RELCH: variants seen among roughly 807,000 people sequenced by gnomAD.
RELCH encodes the protein RAB11 binding and LisH domain, coiled-coil and HEAT repeat containing, also known as RAB11-binding protein RELCH.
Under a neutral mutation model 150.3 loss-of-function variants are expected in RELCH, and 41 were observed. The ratio of observed to expected loss-of-function variants is 0.27; its 90% CI spans 0.21 to 0.35. The LOEUF is 0.35. RELCH is among the 10% of genes least tolerant of loss of function. The pLI is 1.00. For missense variants in RELCH, 1,092 were observed against 1,467.8 expected (o/e 0.74, Z 4.18); for synonymous variants, 478 against 531.8 (o/e 0.90, Z 1.39).
intron 10 of RELCH, among the ~76,000 whole-genome samples, chr18:62,239,210 G>T (rs767611518): frequency 1.8e-4 from 27 of 151,936 alleles, no homozygotes; most frequent in Non-Finnish European, 3.4e-4. Flanking sequence ...AGGTTATTTA[G>T]GTACTTTAGG....
intron 27 of RELCH, among the ~76,000 whole-genome samples, chr18:62,297,552 G>A (rs2045470880): frequency 6.6e-6 from 1 of 152,168 alleles, no homozygotes; most frequent in African/African-American, 2.4e-5. Flanking sequence ...TATAACCTGT[G>A]AGACAAGAGA....
rs138048812 is a variant in RELCH at position 62,228,905 on chromosome 18, T to C, written c.1448+307T>C. Among the ~76,000 whole-genome samples, 17 of 152,262 alleles carry C rather than the reference T, an allele frequency of 1.1e-4. No homozygotes were observed. In the East Asian group the frequency reaches 3.3e-3, roughly 29 times the overall value. ...CTGTAAACACTTACCCAGTGCTTTT[T>C]TCTCTATCCTTTAGTCGTTATCAGA... On this transcript the variant is annotated intron_variant, in intron 8 of 28. Transcript: ENST00000644646.
At chr18:62,227,906 A>G (rs2041317549) in intron 7 of RELCH, among the ~76,000 whole-genome samples, 1 of 152,152 alleles carries the variant, frequency 6.6e-6, no homozygotes, top group African/African-American at 2.4e-5. Flanking sequence ...TGATCTTACA[A>G]TCAATTATGT....
chr18:62,231,315 T>C, intron 9 of RELCH, 46 bp downstream of exon 9: 1 of 1,210,780 alleles, frequency 8.3e-7, no homozygotes. Flanking sequence ...AACATTCTAC[T>C]GTTTTTCTTC....
intron 25 of RELCH, among the ~76,000 whole-genome samples, chr18:62,282,991 A>C (rs777472628): frequency 6.6e-6 from 1 of 152,166 alleles, no homozygotes; most frequent in Non-Finnish European, 1.5e-5. Context: ...AAGTATACAG[A>C]TGGTCTTATA....
intron 1 of RELCH, among the ~76,000 whole-genome samples, chr18:62,199,247 T>C (rs1230610907): frequency 2.7e-5 from 4 of 148,630 alleles, no homozygotes; most frequent in African/African-American, 1.0e-4. Flanking sequence ...AAATCTTCTG[T>C]ACTTGAGGGG....
At chr18:62,227,190 G>T (rs1410197733) in intron 5 of RELCH, 99 bp from the exon 6 acceptor site, 13 of 789,642 alleles carry the variant, frequency 1.6e-5, no homozygotes, top group South Asian at 5.7e-5. Context: ...CAGCAAAACC[G>T]ATCTTAAAAA....
At position 62,187,709 on chromosome 18, in the gene RELCH, G is replaced by C; in HGVS notation, c.204G>C (p.Arg68=). ...CCGTGGCCTTAGGAAGCAGTGCGCG[G>C]CCAGGGCTCCCTGGGGAGGCGTCGG... ...QDPVALGSSA[R]PGLPGEASAA... Residue 68 remains arginine (R), a synonymous_variant, in exon 1 of 29, where the codon CGG becomes CGC. Transcript: ENST00000644646. 6.2e-7 allele frequency: 1 copy of C among 1,601,620 alleles called. No individual in the cohort carries two copies. Among genetic ancestry groups the C allele is most frequent in the East Asian group, 2.2e-5 (1 of 44,662 alleles).
chr18:62,191,161 CTT>C (rs2038606627), intron 1 of RELCH, among the ~76,000 whole-genome samples: 1 of 152,148 alleles, frequency 6.6e-6, no homozygotes, highest in South Asian at 2.1e-4. Context: ...CCATTTACGT[CTT>C]TATGAGAAAC....
intron 10 of RELCH, among the ~76,000 whole-genome samples, chr18:62,241,144 CT>C (rs1304426873): frequency 6.6e-6 from 1 of 152,158 alleles, no homozygotes; most frequent in Non-Finnish European, 1.5e-5. Context: ...ACCAGCAACT[CT>C]TTGTCTCCTT....
chr18:62,292,274 G>A (rs549162145), intron 27 of RELCH, among the ~76,000 whole-genome samples: 1 of 152,184 alleles, frequency 6.6e-6, no homozygotes, highest in African/African-American at 2.4e-5. Context: ...TCATGACCAA[G>A]CTGCCACCCT....
intron 8 of RELCH, among the ~76,000 whole-genome samples, chr18:62,229,518 G>GTGTGTGTGTGTCTGTCTGTC (rs539055675): frequency 3.4e-5 from 5 of 147,746 alleles, no homozygotes; most frequent in South Asian, 2.2e-4. Context: ...GTGTGTGTGT[G>GTGTGTGTGTGTCTGTCTGTC]TGTCTGTCTG....
chr18:62,229,386 T>G (rs758911403), intron 8 of RELCH, among the ~76,000 whole-genome samples: 1 of 152,048 alleles, frequency 6.6e-6, no homozygotes, highest in Non-Finnish European at 1.5e-5. Flanking sequence ...ACTAATTTGC[T>G]TCAGACTTAT....
At chr18:62,266,060 AAG>A (rs1391516877) in intron 18 of RELCH, among the ~76,000 whole-genome samples, 8 of 151,922 alleles carry the variant, frequency 5.3e-5, no homozygotes. Context: ...TTAGAAAAGC[AAG>A]TAGGAATCTA....
At chr18:62,198,475 A>C (rs938381448) in intron 1 of RELCH, among the ~76,000 whole-genome samples, 2 of 152,184 alleles carry the variant, frequency 1.3e-5, no homozygotes, top group Non-Finnish European at 2.9e-5. Context: ...CGTCAGAAAT[A>C]GTGTTCATTT....
intron 5 of RELCH, among the ~76,000 whole-genome samples, chr18:62,224,210 C>T (rs2041067562): frequency 6.6e-6 from 1 of 152,078 alleles, no homozygotes; most frequent in African/African-American, 2.4e-5. Context: ...TGAATGAGAA[C>T]ATGCAGTGCT....
intron 1 of RELCH, among the ~76,000 whole-genome samples, chr18:62,208,851 A>G (rs1438769941): frequency 6.6e-6 from 1 of 152,152 alleles, no homozygotes; most frequent in Non-Finnish European, 1.5e-5. Context: ...TTATGGCTGC[A>G]TAGTAGAAAT....
chr18:62,244,806 G>A lies in RELCH; in HGVS notation c.1663G>A (p.Glu555Lys), dbSNP rs772115853. The A allele has an allele frequency of 3.1e-6, 5 of 1,613,374 alleles. No homozygotes were observed. The East Asian group carries it at 1.1e-4, about 36-fold the overall frequency. ...LILCTACLHP[E>K]PKERDQLLHI... is the part of the protein sequence containing the mutation. ...ATTGTGTACAGCATGTCTACATCCTGAGCCTAAAGAGCGAGATCAGCTTCT... is the reference window on the plus strand; with the variant it reads ...ATTGTGTACAGCATGTCTACATCCTAAGCCTAAAGAGCGAGATCAGCTTCT... The change falls in exon 11 of 29, where the codon GAG (glutamate) becomes AAG (lysine). Residue 555 changes from glutamate to lysine, a missense_variant. Around this residue, in one of 4 missense-constraint regions of RELCH, gnomAD observed 707 missense variants for 1,025.4 expected, o/e 0.69. Transcript: ENST00000644646.
chr18:62,300,719 G>A (rs1411671945), intron 28 of RELCH: 1 of 152,148 alleles, frequency 6.6e-6, no homozygotes, highest in Admixed American at 6.6e-5. Context: ...GAATCAAATG[G>A]AGAGTACATC....
Sources: allele counts gnomAD v4.1 joint callset (sites outside exome capture counted in the v4.1 genomes callset), GRCh38; gene constraint gnomAD v4.1.1; regional missense constraint gnomAD v4.1.1; transcripts MANE v1.5; gene names NCBI Gene and HGNC (gene_info 2026-07-23, HGNC 2026-07-21).